The following ROR2 variants were observed in gnomAD, a reference collection of about 807,000 sequenced individuals.
ROR2 encodes tyrosine-protein kinase transmembrane receptor ROR2.
In ROR2, 33 loss-of-function variants were observed where a neutral mutation model predicts 74.9. That is an observed-to-expected ratio of 0.44 (90% CI 0.33 to 0.59). The LOEUF (loss-of-function observed/expected upper bound fraction) is 0.59. Among genes scored for constraint, ROR2 ranks in the 20% least tolerant of loss-of-function variants. The pLI, the probability that ROR2 is intolerant of heterozygous loss-of-function variation, is 0.02. For missense variants in ROR2, 1,216 were observed against 1,313.8 expected (o/e 0.93, Z 1.15); for synonymous variants, 586 against 558.7 (o/e 1.05, Z -0.69).
At chr9:91,726,764 G>C in intron 7 of ROR2, 21 bp from the exon 8 acceptor site, 1 of 1,611,946 alleles carries the variant, frequency 6.2e-7, no homozygotes, top group South Asian at 1.1e-5. Flanking sequence ...TAAGGCTTTC[G>C]TGATTTTTCA....
At chr9:91,868,165 C>A (rs1007681611) in intron 1 of ROR2, among the ~76,000 whole-genome samples, 94 of 151,954 alleles carry the variant, frequency 6.2e-4, no homozygotes, top group African/African-American at 1.9e-3. Flanking sequence ...CAACAAAAAA[C>A]CCCCAGAAAA....
intron 2 of ROR2, among the ~76,000 whole-genome samples, chr9:91,775,206 C>T (rs1826379080): frequency 6.6e-6 from 1 of 152,194 alleles, no homozygotes; most frequent in Non-Finnish European, 1.5e-5. Context: ...TATGGGGTAA[C>T]ACTATATGCA....
At chr9:91,913,429 A>G (rs1021354889) in intron 1 of ROR2, among the ~76,000 whole-genome samples, 2 of 152,198 alleles carry the variant, frequency 1.3e-5, no homozygotes, top group African/African-American at 4.8e-5. Flanking sequence ...TTGCTTTGCT[A>G]ATAAATGAAA....
chr9:91,727,597 G>A (rs1837087166), intron 7 of ROR2, among the ~76,000 whole-genome samples: 1 of 152,172 alleles, frequency 6.6e-6, no homozygotes, highest in Non-Finnish European at 1.5e-5. Context: ...GTAAGACAAA[G>A]TGGTGCCGTT....
At chr9:91,836,539 CAA>C (rs753563302) in intron 1 of ROR2, among the ~76,000 whole-genome samples, 5 of 102,468 alleles carry the variant, frequency 4.9e-5, no homozygotes, top group Non-Finnish European at 6.4e-5. Flanking sequence ...GATTCCATCT[CAA>C]AAAAAAAAAA....
intron 1 of ROR2, among the ~76,000 whole-genome samples, chr9:91,834,491 A>T (rs892540702): frequency 1.6e-4 from 25 of 152,344 alleles, no homozygotes; most frequent in Non-Finnish European, 1.8e-4. Flanking sequence ...GCCATGGCAG[A>T]AGACATATTC....
chr9:91,930,107 AT>A (rs1831512479), intron 1 of ROR2, among the ~76,000 whole-genome samples: 1 of 152,072 alleles, frequency 6.6e-6, no homozygotes. Context: ...CAGCCACCAT[AT>A]TTTTTAAAGC....
chr9:91,846,219 C>T (rs117670467), intron 1 of ROR2, among the ~76,000 whole-genome samples: 1 of 152,200 alleles, frequency 6.6e-6, no homozygotes, highest in Non-Finnish European at 1.5e-5. Context: ...TGGACTGAGG[C>T]GTGTCCCCAC....
chr9:91,841,354 C>T (rs1261972536), intron 1 of ROR2, among the ~76,000 whole-genome samples: 2 of 152,216 alleles, frequency 1.3e-5, no homozygotes, highest in African/African-American at 2.4e-5. Flanking sequence ...CACACCAACA[C>T]TTTAAATGCT....
At chr9:91,823,878 C>T (rs1828208554) in intron 1 of ROR2, among the ~76,000 whole-genome samples, 1 of 152,214 alleles carries the variant, frequency 6.6e-6, no homozygotes, top group Non-Finnish European at 1.5e-5. Flanking sequence ...TCTCAATCTC[C>T]TAAATTTCTC....
At position 91,866,410 on chromosome 9, in the gene ROR2, G is replaced by A. The variant is rs1182293641; in HGVS notation, c.97+83457C>T. ...TAGGATTACAGGCATAAGCCACCAC[G>A]CCCAGTCTTTTTTTTTTTTTTTTTT... On this transcript the variant is annotated intron_variant, in intron 1 of 8. Transcript: ENST00000375708. 7.2e-5 allele frequency among the ~76,000 whole-genome samples: 10 copies of A among 138,884 alleles called. No individual in the cohort carries two copies. The South Asian group carries it at 1.8e-3, about 25-fold the overall frequency. 91.1% of individuals were successfully genotyped at this position (138,884 alleles called of 152,430 possible).
intron 2 of ROR2, among the ~76,000 whole-genome samples, chr9:91,761,302 G>A (rs1336586967): frequency 3.3e-5 from 5 of 152,024 alleles, no homozygotes; most frequent in Non-Finnish European, 7.4e-5. Flanking sequence ...CTTGGTTTGG[G>A]GATAATTCAA....
Position 91,730,942 on chromosome 9 carries a change from A to G in ROR2, c.1151T>C (p.Val384Ala). The change falls in exon 7 of 9, where the codon GTA (valine) becomes GCA (alanine). Residue 384 changes from valine (V) to alanine (A), a missense_variant. Physicochemically the swap from Val to Ala is moderately conservative, Grantham distance 64 (BLOSUM62 0). Transcript: ENST00000375708. ...GGGTACGTCACACAGTTCCATGCGT[A>G]CGTTTTTATTCTGCGTAAAGCACCA... ...GPWCFTQNKN[V>A]RMELCDVPSC... The G allele has an allele frequency of 6.2e-7, 1 of 1,614,180 alleles. No individual in the cohort carries two copies. Among genetic ancestry groups the G allele is most frequent in the Non-Finnish European group, 8.5e-7 (1 of 1,180,024 alleles).
intron 1 of ROR2, among the ~76,000 whole-genome samples, chr9:91,933,230 C>G (rs567438877): frequency 6.6e-6 from 1 of 152,130 alleles, no homozygotes; most frequent in Admixed American, 6.5e-5. Flanking sequence ...GCAGAAGAAT[C>G]GCTTGAACCC....
intron 1 of ROR2, among the ~76,000 whole-genome samples, chr9:91,839,251 G>GGT (rs56134220): frequency 0.059 from 6,381 of 107,540 alleles, 176 homozygotes; most frequent in Non-Finnish European, 0.075. Context: ...TCAGATCGGG[G>GGT]GTGTGTGTGT....
intron 1 of ROR2, among the ~76,000 whole-genome samples, chr9:91,788,224 C>T (rs989447725): frequency 6.6e-6 from 1 of 151,354 alleles, no homozygotes; most frequent in African/African-American, 2.4e-5. Flanking sequence ...CCATAGGGCA[C>T]TATCAAGAAT....
intron 1 of ROR2, among the ~76,000 whole-genome samples, chr9:91,818,460 C>T (rs1052626850): frequency 2.0e-5 from 3 of 151,054 alleles, no homozygotes; most frequent in Admixed American, 6.6e-5. Flanking sequence ...CACGCCCCCC[C>T]ACCCCACCAG....
At chr9:91,817,185 T>C (rs1294553644) in intron 1 of ROR2, among the ~76,000 whole-genome samples, 2 of 152,128 alleles carry the variant, frequency 1.3e-5, no homozygotes, top group African/African-American at 4.8e-5. Flanking sequence ...GGCTTGGCAT[T>C]TCTCTCAGCC....
rs764135737 is a variant in ROR2 at position 91,726,502 on chromosome 9, G to A, written c.1386+39C>T. The A allele has an allele frequency of 3.8e-6, 6 of 1,586,858 alleles. No individual in the cohort carries two copies. In the South Asian group the frequency reaches 6.6e-5, roughly 18 times the overall value. ...GAAACAACCCCTGAGGATTAAACCT[G>A]GAAGAGCCACCCGGGTAGAAAATGT... On this transcript the variant is annotated intron_variant, in intron 8 of 8. Coordinates refer to ENST00000375708, the MANE Select transcript of ROR2 (RefSeq NM_004560.4).
Sources: allele counts gnomAD v4.1 joint callset (sites outside exome capture counted in the v4.1 genomes callset), GRCh38; gene constraint gnomAD v4.1.1; transcripts MANE v1.5; gene names NCBI Gene and HGNC (gene_info 2026-07-23, HGNC 2026-07-21).